MCM6: variants seen among roughly 807,000 people sequenced by gnomAD.
MCM6 encodes DNA replication licensing factor MCM6.
Under a neutral mutation model 94.3 loss-of-function variants are expected in MCM6, and 46 were observed. That is an observed-to-expected ratio of 0.49 (90% CI 0.39 to 0.62). The LOEUF (loss-of-function observed/expected upper bound fraction) is 0.62. Ranked by LOEUF, MCM6 falls within the 20% of genes least tolerant of loss-of-function variation. The pLI, the probability that MCM6 is intolerant of heterozygous loss-of-function variation, is 0.00. For synonymous variants in MCM6, 335 were observed against 351.9 expected (o/e 0.95, Z 0.54); for missense variants, 865 against 1,017.9 (o/e 0.85, Z 2.04).
chr2:135,845,336 G>A (rs4988267), intron 15 of MCM6, among the ~76,000 whole-genome samples: 152,053 of 152,332 alleles, frequency 1, 75,887 homozygotes, highest in Middle Eastern at 1. Context: ...AACTTCTGCT[G>A]TGTTTAAAAC....
chr2:135,850,238 A>G (rs1291012546), intron 13 of MCM6, among the ~76,000 whole-genome samples: 1 of 152,066 alleles, frequency 6.6e-6, no homozygotes, highest in Non-Finnish European at 1.5e-5. Context: ...CTTCTTTGGT[A>G]ATAAAGTAAT....
At chr2:135,866,984 C>T (rs566775905) in intron 4 of MCM6, among the ~76,000 whole-genome samples, 1 of 152,210 alleles carries the variant, frequency 6.6e-6, no homozygotes, top group East Asian at 1.9e-4. Flanking sequence ...AAAAAAACTT[C>T]ACTTTTACTC....
At chr2:135,874,267 G>GTATT (rs1680256320) in intron 1 of MCM6, among the ~76,000 whole-genome samples, 1 of 152,196 alleles carries the variant, frequency 6.6e-6, no homozygotes, top group Non-Finnish European at 1.5e-5. Context: ...TCCAGACTAA[G>GTATT]TAGCTAGGAG....
intron 8 of MCM6, among the ~76,000 whole-genome samples, chr2:135,861,294 G>A (rs1284740862): frequency 6.6e-6 from 1 of 151,942 alleles, no homozygotes; most frequent in Non-Finnish European, 1.5e-5. Context: ...TTCATGGCTC[G>A]GTGTCACCTT....
chr2:135,847,977 G>A, intron 14 of MCM6, 76 bp downstream of exon 14: 1 of 1,120,314 alleles, frequency 8.9e-7, no homozygotes, highest in Non-Finnish European at 1.3e-6. Flanking sequence ...AACAGCAGGT[G>A]TACTTCTACC....
At chr2:135,854,573 A>G (rs1359424290) in intron 11 of MCM6, among the ~76,000 whole-genome samples, 2 of 150,638 alleles carry the variant, frequency 1.3e-5, no homozygotes, top group Non-Finnish European at 1.5e-5. Flanking sequence ...AAAGAAAAAG[A>G]AAAAGAAAAG....
intron 13 of MCM6, among the ~76,000 whole-genome samples, chr2:135,849,857 A>G (rs1241847638): frequency 6.6e-6 from 1 of 152,206 alleles, no homozygotes; most frequent in Non-Finnish European, 1.5e-5. Context: ...AGGCCTAACA[A>G]AAGTTTTTTT....
At chr2:135,861,927 T>C (rs1680003245) in intron 8 of MCM6, among the ~76,000 whole-genome samples, 1 of 152,218 alleles carries the variant, frequency 6.6e-6, no homozygotes, top group African/African-American at 2.4e-5. Context: ...GTACATCCTA[T>C]TTTAAAACCT....
chr2:135,861,783 A>AT (rs2105585566), intron 8 of MCM6, among the ~76,000 whole-genome samples: 2 of 152,114 alleles, frequency 1.3e-5, no homozygotes, highest in African/African-American at 4.8e-5. Context: ...CACCTGGCTA[A>AT]TTTTTTGTAT....
At chr2:135,847,040 A>C (rs4988257) in intron 14 of MCM6, among the ~76,000 whole-genome samples, 4,618 of 152,196 alleles carry the variant, frequency 0.03, 97 homozygotes, top group East Asian at 0.061. Flanking sequence ...ACAAAAAAAA[A>C]CATGCATACA....
chr2:135,850,178 C>A (rs1298068740), intron 13 of MCM6, among the ~76,000 whole-genome samples: 1 of 152,194 alleles, frequency 6.6e-6, no homozygotes, highest in African/African-American at 2.4e-5. Flanking sequence ...AAATTCTGCA[C>A]ACCCTTCAGT....
At chr2:135,849,071 T>C (rs1189488252) in intron 13 of MCM6, among the ~76,000 whole-genome samples, 4 of 152,228 alleles carry the variant, frequency 2.6e-5, no homozygotes, top group African/African-American at 9.6e-5. Context: ...AGTGGAAAGA[T>C]AACGGTATTT....
chr2:135,840,293 T>C lies in MCM6; in HGVS notation c.*542A>G, dbSNP rs756532715. On this transcript the variant is annotated 3_prime_UTR_variant, in exon 17 of 17. Coordinates refer to ENST00000264156, the MANE Select transcript of MCM6 (RefSeq NM_005915.6). ...CTAAGGCCTCTAGCTTTCATATGAG[T>C]TCTCTAATGACTCCTTCTCATAGAA... 6 of 151,206 alleles carry C rather than the reference T, an allele frequency of 4.0e-5. No homozygotes were observed. The highest frequency in any genetic ancestry group is 8.8e-5 in the Non-Finnish European group (6 of 67,948). The allele number at this position is 151,206 out of a possible 1,614,324, so 9.4% of individuals were successfully genotyped here.
chr2:135,859,183 G>T, intron 9 of MCM6, 118 bp downstream of exon 9: 1 of 802,554 alleles, frequency 1.2e-6, no homozygotes, highest in Admixed American at 2.8e-5. Context: ...GTGAGCCACC[G>T]CGCCCAGCTG....
intron 9 of MCM6, among the ~76,000 whole-genome samples, chr2:135,858,729 T>A (rs1316637348): frequency 6.6e-6 from 1 of 152,236 alleles, no homozygotes; most frequent in Non-Finnish European, 1.5e-5. Context: ...CAAAACCTTG[T>A]GTCAACTCAG....
In MCM6 at chr2:135,840,844, G is replaced by A. The variant is rs762431547; in HGVS notation, c.2457C>T (p.Leu819=). The change falls in exon 17 of 17, where the codon CTC becomes CTT. Residue 819 remains leucine (L), a synonymous_variant. Transcript: ENST00000264156. ...PYLVVNPNYL[L]ED ...AGTTACTTTCACTATCTCAATCTTC[G>A]AGCAAGTAGTTAGGGTTAACTACCA... The A allele has an allele frequency of 2.5e-6, 4 of 1,609,518 alleles. No homozygotes were observed. Among genetic ancestry groups the A allele is most frequent in the South Asian group, 2.2e-5 (2 of 90,978 alleles).
chr2:135,869,816 T>C (rs1213164943), intron 3 of MCM6, among the ~76,000 whole-genome samples: 1 of 152,166 alleles, frequency 6.6e-6, no homozygotes, highest in Non-Finnish European at 1.5e-5. Context: ...AAAAATTTGC[T>C]TCACTCCCTT....
chr2:135,850,933 T>C (rs558877131), intron 13 of MCM6, among the ~76,000 whole-genome samples: 1 of 152,292 alleles, frequency 6.6e-6, no homozygotes, highest in Non-Finnish European at 1.5e-5. Flanking sequence ...ATGGGACGCT[T>C]GAATGCCCTT....
intron 1 of MCM6, among the ~76,000 whole-genome samples, chr2:135,873,824 C>T (rs540641605): frequency 4.0e-4 from 59 of 146,480 alleles, no homozygotes; most frequent in African/African-American, 1.3e-3. Flanking sequence ...GGAATAGAAA[C>T]TAATTCTGCC....
Sources: gnomAD v4.1 joint callset for allele counts (sites outside exome capture counted in the v4.1 genomes callset) on GRCh38, gnomAD v4.1.1 for gene constraint, MANE v1.5 for transcripts, NCBI Gene and HGNC (gene_info 2026-07-23, HGNC 2026-07-21) for gene names.